Variants in REPS2 observed in about 807,000 individuals in gnomAD.
The protein encoded by REPS2 is RALBP1 associated Eps domain containing 2.
Under a neutral mutation model 53.6 loss-of-function variants are expected in REPS2, and 23 were observed. The ratio of observed to expected loss-of-function variants is 0.43; its 90% CI spans 0.31 to 0.61. REPS2 has a LOEUF of 0.61. Ranked by LOEUF, REPS2 falls within the 20% of genes least tolerant of loss-of-function variation. The probability of loss-of-function intolerance (pLI) is 0.11; values close to 1 mark genes in which losing one functional copy is unlikely to be tolerated. For synonymous variants in REPS2, 238 were observed against 218.6 expected (o/e 1.09, Z -0.78); for missense variants, 446 against 534.9 (o/e 0.83, Z 1.64).
At chrX:17,041,837 A>C (rs1026517109) in intron 5 of REPS2, among the ~76,000 whole-genome samples, 14 of 112,342 alleles carry the variant, frequency 1.2e-4, no homozygotes, top group Admixed American at 1.0e-3. Context: ...TCTCTCCAAC[A>C]ATGCTTCCTT....
rs975218305 is a variant in REPS2 at position 17,000,115 on chromosome X, A to G, written c.274-6106A>G. 9.9e-5 allele frequency among the ~76,000 whole-genome samples: 11 copies of G among 110,664 alleles called. No homozygotes were observed. In the South Asian group the frequency reaches 1.5e-3, roughly 16 times the overall value. On this transcript the variant is annotated intron_variant, in intron 1 of 17. Transcript: ENST00000357277. ...GTGAACTATTGCATAGATTTTGCCAATATCTGAACTATGGCATCCAATTGC... is the reference window on the plus strand; with the variant it reads ...GTGAACTATTGCATAGATTTTGCCAGTATCTGAACTATGGCATCCAATTGC...
At chrX:16,974,839 GT>G (rs1208443595) in intron 1 of REPS2, among the ~76,000 whole-genome samples, 4 of 107,743 alleles carry the variant, frequency 3.7e-5, no homozygotes, top group Non-Finnish European at 5.8e-5. Flanking sequence ...GTATGCAGTA[GT>G]TTTTTTTTTC....
chrX:17,115,498 T>C (rs2063038855), intron 14 of REPS2, among the ~76,000 whole-genome samples: 1 of 111,370 alleles, frequency 9.0e-6, no homozygotes, highest in South Asian at 3.9e-4. Flanking sequence ...GCCTTCCTCT[T>C]GTCTCAATTG....
At position 16,968,974 on chromosome X, in the gene REPS2, C is replaced by A. The variant is rs569846075; in HGVS notation, c.273+21840C>A. On this transcript the variant is annotated intron_variant, in intron 1 of 17. Transcript: ENST00000357277. ...GGGGCCCCTCACTTCTCAGACGGGGCGGCTGCTGGGCTGAGGGGCTCCTCA... is the reference window on the plus strand; with the variant it reads ...GGGGCCCCTCACTTCTCAGACGGGGAGGCTGCTGGGCTGAGGGGCTCCTCA... Among the ~76,000 whole-genome samples, 51 of 108,497 alleles carry A rather than the reference C, an allele frequency of 4.7e-4. 1 individual carries two copies. In the South Asian group the frequency reaches 0.017, roughly 37 times the overall value. 94.2% of individuals were successfully genotyped at this position (108,497 alleles called of 115,157 possible). A position where few individuals can be genotyped will look rare whatever the true frequency, so the allele number is the denominator to read the frequency against.
chrX:17,076,718 T>C (rs2062386276), intron 12 of REPS2, among the ~76,000 whole-genome samples: 1 of 112,092 alleles, frequency 8.9e-6, no homozygotes, highest in Admixed American at 9.5e-5. Context: ...AATGAGACTT[T>C]TGCTTTCTCA....
the REPS2 span, among the ~76,000 whole-genome samples, chrX:17,194,058 C>T: frequency 8.9e-6 from 1 of 111,757 alleles, no homozygotes; most frequent in African/African-American, 3.2e-5. Flanking sequence ...AAGAAGTCAT[C>T]AAATAAACTG....
At chrX:17,032,076 T>C (rs747722426) in intron 5 of REPS2, among the ~76,000 whole-genome samples, 6 of 111,847 alleles carry the variant, frequency 5.4e-5, no homozygotes, top group South Asian at 3.8e-4. Flanking sequence ...GATGAAATAC[T>C]GGCACTGGGG....
intron 1 of REPS2, among the ~76,000 whole-genome samples, chrX:16,974,628 G>T (rs1285641697): frequency 9.0e-6 from 1 of 110,781 alleles, no homozygotes; most frequent in Non-Finnish European, 1.9e-5. Flanking sequence ...CTGGGCGACA[G>T]AGCTAGATGC....
chrX:17,152,401 A>G lies in REPS2; in HGVS notation c.*4920A>G, dbSNP rs1442262170. On this transcript the variant is annotated 3_prime_UTR_variant, in exon 18 of 18. Transcript: ENST00000357277. ...TTACAGAAGCCTTGCTCTGCTGTCA[A>G]CAATTGGGAAATGCTCATTTTTTCA... 4 of 112,418 alleles carry G rather than the reference A, an allele frequency of 3.6e-5. No individual in the cohort carries two copies. In the East Asian group the frequency reaches 8.4e-4, roughly 24 times the overall value. 9.3% of individuals were successfully genotyped at this position (112,418 alleles called of 1,213,427 possible).
chrX:16,948,217 C>T (rs1311723803), intron 1 of REPS2, among the ~76,000 whole-genome samples: 1 of 112,518 alleles, frequency 8.9e-6, no homozygotes, highest in African/African-American at 3.2e-5. Flanking sequence ...AAAAAAATTG[C>T]TTAAGACTGC....
At chrX:17,013,364 G>A (rs1200500320) in intron 2 of REPS2, among the ~76,000 whole-genome samples, 1 of 111,940 alleles carries the variant, frequency 8.9e-6, no homozygotes, top group African/African-American at 3.2e-5. Flanking sequence ...GAAGGATTTT[G>A]CAGCATTGAG....
rs148194391 is a variant in REPS2 at position 17,133,764 on chromosome X, T to G, written c.1579-60T>G. On this transcript the variant is annotated intron_variant, in intron 14 of 17. Transcript: ENST00000357277. ...TGACTATCTTCCTAAGTGCTCTTTATTGTATATTTAGGTGATTGTGGTTTT... is the reference window on the plus strand; with the variant it reads ...TGACTATCTTCCTAAGTGCTCTTTAGTGTATATTTAGGTGATTGTGGTTTT... 135 of 971,865 alleles carry G rather than the reference T, an allele frequency of 1.4e-4. No individual in the cohort carries two copies. The African/African-American group carries it at 2.1e-3, about 15-fold the overall frequency. 80.1% of individuals were successfully genotyped at this position (971,865 alleles called of 1,213,427 possible).
At chrX:17,055,533 G>T (rs1300916283) in intron 8 of REPS2, among the ~76,000 whole-genome samples, 1 of 77,587 alleles carries the variant, frequency 1.3e-5, no homozygotes, top group Non-Finnish European at 2.4e-5. Context: ...TTTGTATAAG[G>T]TGTAAGGAAG....
At chrX:17,022,619 G>T (rs1195755785) in intron 3 of REPS2, among the ~76,000 whole-genome samples, 1 of 112,303 alleles carries the variant, frequency 8.9e-6, no homozygotes, top group East Asian at 2.8e-4. Flanking sequence ...TCTCCAAAAA[G>T]AAGTCTGTAG....
chrX:17,156,414 A>G (rs908839225), downstream of REPS2, among the ~76,000 whole-genome samples: 1 of 109,004 alleles, frequency 9.2e-6, no homozygotes, highest in Non-Finnish European at 1.9e-5. Context: ...TAATACATAT[A>G]TATATATATA....
At chrX:17,083,168 CG>C (rs1280524082) in intron 13 of REPS2, among the ~76,000 whole-genome samples, 2 of 105,759 alleles carry the variant, frequency 1.9e-5, no homozygotes, top group African/African-American at 7.0e-5. Context: ...CTGCAAGCTC[CG>C]TCTCCCGGGT....
intron 14 of REPS2, among the ~76,000 whole-genome samples, chrX:17,108,785 C>A (rs1481246617): frequency 9.0e-6 from 1 of 110,944 alleles, no homozygotes; most frequent in Non-Finnish European, 1.9e-5. Flanking sequence ...GTAATGAGTA[C>A]TAAAAATAGC....
At chrX:17,183,484 C>T in the REPS2 span, among the ~76,000 whole-genome samples, 2 of 112,194 alleles carry the variant, frequency 1.8e-5, no homozygotes, top group Non-Finnish European at 3.8e-5. Flanking sequence ...TTATTAGACC[C>T]ATGGATCAAG....
At chrX:17,165,956 GAGAA>G in the REPS2 span, among the ~76,000 whole-genome samples, 4 of 111,941 alleles carry the variant, frequency 3.6e-5, no homozygotes, top group Non-Finnish European at 5.6e-5. Flanking sequence ...AGAAAAAAGA[GAGAA>G]AGAAAAAAGC....
Sources: gnomAD v4.1 joint callset for allele counts (sites outside exome capture counted in the v4.1 genomes callset) on GRCh38, gnomAD v4.1.1 for gene constraint, MANE v1.5 for transcripts, NCBI Gene and HGNC (gene_info 2026-07-23, HGNC 2026-07-21) for gene names.